DARS1: variants seen among roughly 807,000 people sequenced by gnomAD.
DARS1 encodes aspartyl-tRNA synthetase 1, also known as aspartate--tRNA ligase, cytoplasmic.
In DARS1, 51 loss-of-function variants were observed where a neutral mutation model predicts 68.8. The observed-to-expected ratio is 0.74, with a 90% CI of 0.59 to 0.94. The LOEUF (loss-of-function observed/expected upper bound fraction) is 0.94. Among genes scored for constraint, DARS1 ranks in the 40% least tolerant of loss-of-function variants. DARS1 has a pLI of 0.00. For missense variants in DARS1, 607 were observed against 597.3 expected, an observed-to-expected ratio of 1.02 and a Z score of -0.17; for synonymous variants, 203 against 190.4, an observed-to-expected ratio of 1.07 and a Z score of -0.55.
chr2:135,942,772 G>T (rs1443300789), intron 5 of DARS1, among the ~76,000 whole-genome samples: 1 of 152,124 alleles, frequency 6.6e-6, no homozygotes, highest in Non-Finnish European at 1.5e-5. Context: ...TAGTTTTTCA[G>T]ATGTGTTTTG....
intron 10 of DARS1, among the ~76,000 whole-genome samples, chr2:135,916,778 T>A (rs1227393725): frequency 6.6e-6 from 1 of 152,230 alleles, no homozygotes; most frequent in African/African-American, 2.4e-5. Flanking sequence ...AGTGCCAGTT[T>A]CTTTCCCATT....
intron 4 of DARS1, among the ~76,000 whole-genome samples, chr2:135,943,938 A>C (rs1681661847): frequency 6.6e-6 from 1 of 152,168 alleles, no homozygotes; most frequent in Non-Finnish European, 1.5e-5. Context: ...TAATAAGAGG[A>C]CATTAGCGTG....
intron 4 of DARS1, among the ~76,000 whole-genome samples, chr2:135,955,932 T>A (rs1681963564): frequency 6.6e-6 from 1 of 152,138 alleles, no homozygotes; most frequent in Admixed American, 6.5e-5. Flanking sequence ...GTGCTGGGAT[T>A]ATAAGTGTGA....
intron 3 of DARS1, among the ~76,000 whole-genome samples, chr2:135,963,997 G>A (rs867815171): frequency 6.6e-6 from 1 of 152,130 alleles, no homozygotes; most frequent in South Asian, 2.1e-4. Context: ...ACTATTATTA[G>A]TAACACCACT....
chr2:135,949,627 A>C (rs952803236), intron 4 of DARS1, among the ~76,000 whole-genome samples: 2 of 152,226 alleles, frequency 1.3e-5, no homozygotes, highest in African/African-American at 4.8e-5. Flanking sequence ...AGGGAATTAG[A>C]TGTGCCAACC....
At chr2:135,934,029 C>T (rs926030609) in intron 5 of DARS1, 39 bp from the exon 6 acceptor site, 2 of 1,591,412 alleles carry the variant, frequency 1.3e-6, no homozygotes, top group Admixed American at 3.4e-5. Flanking sequence ...AGAAAGCACA[C>T]AAAATCTGCA....
intron 4 of DARS1, among the ~76,000 whole-genome samples, chr2:135,947,062 G>A (rs1168189344): frequency 2.6e-5 from 4 of 151,962 alleles, no homozygotes; most frequent in Non-Finnish European, 4.4e-5. Context: ...GATTACAGGC[G>A]TGAGCCACCA....
In DARS1 at chr2:135,920,508, C is replaced by T; in HGVS notation, c.904G>A (p.Val302Ile). The part of the protein sequence containing the change: ...EMAFNYHYHE[V>I]MEEIADTMVQ... Reference sequence around the variant, plus strand: ...ATGGTGTCAGCAATTTCTTCCATAACTTCGTGGTAATGGTAATTAAAAGCC... The same window carrying T: ...ATGGTGTCAGCAATTTCTTCCATAATTTCGTGGTAATGGTAATTAAAAGCC... The change falls in exon 10 of 16, where the codon GTT (valine) becomes ATT (isoleucine). Residue 302 changes from valine to isoleucine, a missense_variant. Val to Ile is a conservative substitution (Grantham distance 29). Transcript: ENST00000264161. 1 of 1,613,646 alleles carries T rather than the reference C, an allele frequency of 6.2e-7. No homozygotes were observed. The highest frequency in any genetic ancestry group is 8.5e-7 in the Non-Finnish European group (1 of 1,179,834).
intron 4 of DARS1, among the ~76,000 whole-genome samples, chr2:135,946,552 G>GTTAC (rs1681726614): frequency 6.6e-6 from 1 of 152,124 alleles, no homozygotes; most frequent in Non-Finnish European, 1.5e-5. Context: ...TCCCTCAATG[G>GTTAC]GTAATCTTGA....
chr2:135,983,734 A>G (rs538786495), intron 1 of DARS1, among the ~76,000 whole-genome samples: 1 of 152,346 alleles, frequency 6.6e-6, no homozygotes, highest in African/African-American at 2.4e-5. Context: ...AAATTTACAC[A>G]TATGTACAAC....
intron 2 of DARS1, among the ~76,000 whole-genome samples, chr2:135,982,640 C>T (rs540223888): frequency 2.0e-5 from 3 of 149,976 alleles, no homozygotes; most frequent in Non-Finnish European, 3.0e-5. Flanking sequence ...CATACACTAA[C>T]AAAAAAGAGC....
intron 9 of DARS1, 88 bp downstream of exon 9, chr2:135,922,692 GTGTC>G: frequency 7.3e-7 from 1 of 1,360,638 alleles, no homozygotes; most frequent in East Asian, 2.9e-5. Context: ...AGCTTTCAAA[GTGTC>G]TGTACATTAT....
intron 8 of DARS1, among the ~76,000 whole-genome samples, 174 bp from the exon 9 acceptor site, chr2:135,923,092 TTTA>T (rs1681139778): frequency 6.6e-6 from 1 of 152,182 alleles, no homozygotes; most frequent in Non-Finnish European, 1.5e-5. Context: ...TTCTAAATAG[TTTA>T]TATTTAAACC....
chr2:135,928,536 CG>C (rs1281598002), intron 7 of DARS1, among the ~76,000 whole-genome samples: 2 of 150,856 alleles, frequency 1.3e-5, no homozygotes, highest in African/African-American at 4.9e-5. Flanking sequence ...TTAGTAGAGA[CG>C]GGGTTTCGCC....
At chr2:135,938,988 C>T (rs1681534036) in intron 5 of DARS1, among the ~76,000 whole-genome samples, 1 of 152,196 alleles carries the variant, frequency 6.6e-6, no homozygotes, top group African/African-American at 2.4e-5. Flanking sequence ...GCACCCAATA[C>T]AGGAGCACCC....
At chr2:135,962,042 AT>A (rs1375196793) in intron 3 of DARS1, among the ~76,000 whole-genome samples, 13 of 152,188 alleles carry the variant, frequency 8.5e-5, no homozygotes, top group Non-Finnish European at 1.6e-4. Context: ...AGTGCCTTTC[AT>A]GTTCTACGTT....
chr2:135,964,712 G>A (rs1484565432), intron 3 of DARS1, among the ~76,000 whole-genome samples: 1 of 151,706 alleles, frequency 6.6e-6, no homozygotes, highest in Non-Finnish European at 1.5e-5. Flanking sequence ...GTGGTGGCAG[G>A]TGCCTGTAAT....
Position 135,906,553 on chromosome 2 carries a change from G to A in DARS1, c.*763C>T, listed in dbSNP as rs1436196896. On this transcript the variant is annotated 3_prime_UTR_variant, in exon 16 of 16. Coordinates refer to ENST00000264161, the MANE Select transcript of DARS1 (RefSeq NM_001349.4). ...CCCATCTAAACTAATATCCTGAAAT[G>A]AATACATGTTGACAACATATTAGTC... 3 of 152,124 alleles carry A rather than the reference G, an allele frequency of 2.0e-5. No individual in the cohort carries two copies. Among genetic ancestry groups the A allele is most frequent in the African/African-American group, 7.2e-5 (3 of 41,424 alleles). The allele number at this position is 152,124 out of a possible 1,614,324, so 9.4% of individuals were successfully genotyped here.
rs1234643717 is a variant in DARS1 at position 135,907,186 on chromosome 2, T to C, written c.*130A>G. ...AATTTATTCTAGTGCATATTTTAAG[T>C]ACCTAAAGTACAGCCTGTGCACTAG... On this transcript the variant is annotated 3_prime_UTR_variant, in exon 16 of 16. Coordinates refer to ENST00000264161, the MANE Select transcript of DARS1 (RefSeq NM_001349.4). 3.8e-6 allele frequency: 2 copies of C among 520,892 alleles called. No homozygotes were observed. The highest frequency in any genetic ancestry group is 6.6e-6 in the Non-Finnish European group (2 of 300,808). The allele number at this position is 520,892 out of a possible 1,614,324, so 32.3% of individuals were successfully genotyped here.
Sources: gnomAD v4.1 joint callset for allele counts (sites outside exome capture counted in the v4.1 genomes callset) on GRCh38, gnomAD v4.1.1 for gene constraint, MANE v1.5 for transcripts, NCBI Gene and HGNC (gene_info 2026-07-23, HGNC 2026-07-21) for gene names.